STAT5B: variants seen among roughly 807,000 people sequenced by gnomAD.
The protein encoded by STAT5B is signal transducer and activator of transcription 5B.
In STAT5B, 21 loss-of-function variants were observed where a neutral mutation model predicts 107.8. That is an observed-to-expected ratio of 0.19 (90% CI 0.14 to 0.28). The LOEUF is 0.28. Ranked by LOEUF, STAT5B falls within the 10% of genes least tolerant of loss-of-function variation. STAT5B has a pLI of 1.00. For synonymous variants in STAT5B, 325 were observed against 401.7 expected (o/e 0.81, Z 2.28); for missense variants, 565 against 1,008.2 (o/e 0.56, Z 5.95).
intron 15 of STAT5B, 78 bp downstream of exon 15, chr17:42,210,093 T>C (rs2080116454): frequency 1.9e-6 from 3 of 1,601,568 alleles, no homozygotes; most frequent in Non-Finnish European, 2.6e-6. Context: ...AAATAGTAAG[T>C]ACCCACTAAA....
intron 16 of STAT5B, among the ~76,000 whole-genome samples, chr17:42,204,058 G>A (rs2080067469): frequency 6.6e-6 from 1 of 152,170 alleles, no homozygotes. Flanking sequence ...TAGTCTTTCA[G>A]GAAAGGGAAG....
intron 16 of STAT5B, chr17:42,203,045 T>A: frequency 1.8e-6 from 1 of 547,834 alleles, no homozygotes; most frequent in South Asian, 1.9e-5. Flanking sequence ...CAGGTTCAAA[T>A]GATTCCGATG....
intron 8 of STAT5B, 93 bp from the exon 9 acceptor site, chr17:42,218,423 G>C: frequency 6.5e-7 from 1 of 1,545,176 alleles, no homozygotes; most frequent in South Asian, 1.2e-5. Flanking sequence ...GCTGCCTCCC[G>C]AGGGGCTCAG....
At chr17:42,215,124 A>G (rs1247771372) in intron 12 of STAT5B, among the ~76,000 whole-genome samples, 2 of 152,186 alleles carry the variant, frequency 1.3e-5, no homozygotes, top group Non-Finnish European at 2.9e-5. Context: ...CCACCAAATT[A>G]TATCTTCCTT....
In STAT5B at chr17:42,217,280, G is replaced by A; in HGVS notation, c.1260C>T (p.Ser420=). The change falls in exon 11 of 19, where the codon TCC becomes TCT. Residue 420 remains serine (S), a splice_region_variant and synonymous_variant. Transcript: ENST00000293328. The stretch of plus-strand genomic sequence containing the variant: ...GGTCTGACCTCTTAATTCGTTTCAG[G>A]GACTACAAAGAAGAAACATAAGATG... ...GTLSAHFRNM[S]LKRIKRSDRR... 6.2e-7 allele frequency: 1 copy of A among 1,614,000 alleles called. No individual in the cohort carries two copies. The highest frequency in any genetic ancestry group is 8.5e-7 in the Non-Finnish European group (1 of 1,180,018).
Position 42,237,394 on chromosome 17 carries a change from T to C in STAT5B, c.-10-5257A>G, listed in dbSNP as rs374485498. Among the ~76,000 whole-genome samples the C allele has an allele frequency of 1.9e-3, 285 of 152,338 alleles. 2 individuals carry two copies. Among genetic ancestry groups the C allele is most frequent in the African/African-American group, 6.4e-3 (266 of 41,580 alleles). On this transcript the variant is annotated intron_variant, in intron 1 of 18. Coordinates refer to ENST00000293328, the MANE Select transcript of STAT5B (RefSeq NM_012448.4). ...GTCATAAATATCTTTTCTCAGATGC[T>C]TTTCCTTTCTAAAAGTAAAATATAA...
rs557905377 is a variant in STAT5B, at chr17:42,222,182, C to T, written c.550+1200G>A. Among the ~76,000 whole-genome samples, 5 of 138,436 alleles carry T rather than the reference C, an allele frequency of 3.6e-5. No homozygotes were observed. The East Asian group carries it at 8.7e-4, about 24-fold the overall frequency. 90.8% of individuals were successfully genotyped at this position (138,436 alleles called of 152,430 possible). A position where few individuals can be genotyped will look rare whatever the true frequency, so the allele number is the denominator to read the frequency against. On this transcript the variant is annotated intron_variant, in intron 5 of 18. Coordinates refer to ENST00000293328, the MANE Select transcript of STAT5B (RefSeq NM_012448.4). ...GTGATGTGTGTGGTGTGTGTGTGTGCTGTGTTGTCTGTGTGTGCTGTGTGT... is the reference window on the plus strand; with the variant it reads ...GTGATGTGTGTGGTGTGTGTGTGTGTTGTGTTGTCTGTGTGTGCTGTGTGT...
At chr17:42,286,181 C>T in the STAT5B span, among the ~76,000 whole-genome samples, 1 of 132,378 alleles carries the variant, frequency 7.6e-6, no homozygotes, top group Non-Finnish European at 1.5e-5. Context: ...TGCTGTGAGC[C>T]AAGATCGCGC....
chr17:42,200,845 G>C lies in STAT5B; in HGVS notation c.*893C>G. The C allele has an allele frequency of 2.6e-6, 1 of 384,138 alleles. No individual in the cohort carries two copies. The highest frequency in any genetic ancestry group is 3.7e-5 in the East Asian group (1 of 26,924). 23.8% of individuals were successfully genotyped at this position (384,138 alleles called of 1,614,324 possible). A position where few individuals can be genotyped will look rare whatever the true frequency, so the allele number is the denominator to read the frequency against. On this transcript the variant is annotated 3_prime_UTR_variant, in exon 19 of 19. Coordinates refer to ENST00000293328, the MANE Select transcript of STAT5B (RefSeq NM_012448.4). Reference sequence around the variant, plus strand: ...GGCTCAGAGAAAGGCTGGGCAGCCGGAACAGCAGCTTCCTGGGTAACCAGG... The same window carrying C: ...GGCTCAGAGAAAGGCTGGGCAGCCGCAACAGCAGCTTCCTGGGTAACCAGG...
chr17:42,255,525 T>A lies in STAT5B; in HGVS notation c.-11+20723A>T, dbSNP rs572592404. Among the ~76,000 whole-genome samples the A allele has an allele frequency of 6.6e-5, 10 of 152,122 alleles. No individual in the cohort carries two copies. In the South Asian group the frequency reaches 1.2e-3, roughly 19 times the overall value. On this transcript the variant is annotated intron_variant, in intron 1 of 18. Coordinates refer to ENST00000293328, the MANE Select transcript of STAT5B (RefSeq NM_012448.4). ...ACTGTGAAGTCTCCAACCAAAAGAA[T>A]TATGTTGCAAAAAAAGGAATAAACA...
chr17:42,277,644 G>A (rs1334941673), upstream of STAT5B, among the ~76,000 whole-genome samples: 2 of 152,164 alleles, frequency 1.3e-5, no homozygotes, highest in Non-Finnish European at 2.9e-5. Flanking sequence ...GGATGGATGC[G>A]CCAACCAACC....
At chr17:42,286,762 C>A in the STAT5B span, among the ~76,000 whole-genome samples, 5 of 152,228 alleles carry the variant, frequency 3.3e-5, no homozygotes, top group Non-Finnish European at 7.3e-5. Context: ...CTGAAGGGAA[C>A]TGCTGGAGGG....
intron 16 of STAT5B, among the ~76,000 whole-genome samples, chr17:42,206,856 T>G (rs1346993758): frequency 6.8e-6 from 1 of 147,382 alleles, no homozygotes; most frequent in Non-Finnish European, 1.5e-5. Flanking sequence ...ATTATAGGTG[T>G]GAGCCACCAC....
chr17:42,243,914 A>AACT (rs879501840), intron 1 of STAT5B, among the ~76,000 whole-genome samples: 53,640 of 151,524 alleles, frequency 0.35, 10,562 homozygotes, highest in African/African-American at 0.53. Flanking sequence ...ATCCATGGAG[A>AACT]TAATGGATTT....
intron 16 of STAT5B, among the ~76,000 whole-genome samples, chr17:42,204,139 T>C (rs1356874402): frequency 6.6e-6 from 1 of 152,200 alleles, no homozygotes; most frequent in Admixed American, 6.5e-5. Flanking sequence ...TTGATGTCAC[T>C]AGTCCCAGTG....
chr17:42,242,758 A>G (rs1175514244), intron 1 of STAT5B, among the ~76,000 whole-genome samples: 2 of 152,116 alleles, frequency 1.3e-5, no homozygotes, highest in Non-Finnish European at 2.9e-5. Context: ...ACTCAAGGTC[A>G]AGCATTCGAG....
At chr17:42,278,479 G>A (rs1226566647), upstream of STAT5B, among the ~76,000 whole-genome samples, 1 of 152,148 alleles carries the variant, frequency 6.6e-6, no homozygotes, top group Non-Finnish European at 1.5e-5. Flanking sequence ...GCTAAGGTGG[G>A]AGGATCACTT....
In STAT5B at chr17:42,227,545, T is replaced by C; in HGVS notation, c.269A>G (p.Tyr90Cys). ...GFLLKIKLGHYATQLQNTYDR... is the reference protein window; with the variant it reads ...GFLLKIKLGHCATQLQNTYDR... ...CACACCCACCTGGAGCTGTGTGGCA[T>C]AGTGCCCCAGCTTGATCTTCAGTAA... is the stretch of plus-strand genomic sequence containing the variant. Residue 90 changes from tyrosine (Y) to cysteine (C), a missense_variant, in exon 3 of 19, where the codon TAT becomes TGT. Physicochemically the swap from Tyr to Cys is radical, Grantham distance 194 (BLOSUM62 -2). Coordinates refer to ENST00000293328, the MANE Select transcript of STAT5B (RefSeq NM_012448.4). 2 of 1,613,452 alleles carry C rather than the reference T, an allele frequency of 1.2e-6. No homozygotes were observed. The highest frequency in any genetic ancestry group is 1.7e-6 in the Non-Finnish European group (2 of 1,179,862).
chr17:42,220,914 C>T lies in STAT5B; in HGVS notation c.551-1072G>A, dbSNP rs529563032. 2.1e-3 allele frequency among the ~76,000 whole-genome samples: 325 copies of T among 151,540 alleles called. 1 individual carries two copies. Among genetic ancestry groups the T allele is most frequent in the Non-Finnish European group, 4.0e-3 (268 of 67,828 alleles). On this transcript the variant is annotated intron_variant, in intron 5 of 18. Transcript: ENST00000293328. The stretch of plus-strand genomic sequence containing the variant: ...CAACCACCACCGCAGGCCCACCCCA[C>T]CCTCCCAGCGACAGCCCGTCTCCAC...
Sources: allele counts gnomAD v4.1 joint callset (sites outside exome capture counted in the v4.1 genomes callset), GRCh38; gene constraint gnomAD v4.1.1; transcripts MANE v1.5; gene names NCBI Gene and HGNC (gene_info 2026-07-23, HGNC 2026-07-21).